Variants in BABAM2 observed in about 807,000 individuals in gnomAD.
BABAM2 encodes BRISC and BRCA1 A complex member 2.
A neutral mutation model predicts 54.7 loss-of-function variants in BABAM2; 31 were observed. That is an observed-to-expected ratio of 0.57 (90% CI 0.43 to 0.77). The LOEUF (loss-of-function observed/expected upper bound fraction) is 0.77. BABAM2 is among the 30% of genes least tolerant of loss of function. BABAM2 has a pLI of 0.00. For synonymous variants in BABAM2, 167 were observed against 162.9 expected (o/e 1.03, Z -0.19); for missense variants, 364 against 455.8 (o/e 0.80, Z 1.83).
intron 6 of BABAM2, among the ~76,000 whole-genome samples, chr2:28,117,565 G>A (rs1322906210): frequency 6.6e-6 from 1 of 152,108 alleles, no homozygotes; most frequent in Non-Finnish European, 1.5e-5. Flanking sequence ...CTCCTCTCTT[G>A]CCTGCACTTC....
intron 7 of BABAM2, among the ~76,000 whole-genome samples, chr2:28,150,729 C>T (rs901608705): frequency 6.6e-6 from 1 of 152,126 alleles, no homozygotes; most frequent in Non-Finnish European, 1.5e-5. Flanking sequence ...TGTGTTCTGG[C>T]GCTGGTTTCT....
intron 7 of BABAM2, among the ~76,000 whole-genome samples, chr2:28,151,732 A>G (rs1050012299): frequency 6.6e-6 from 1 of 152,250 alleles, no homozygotes; most frequent in Admixed American, 6.5e-5. Context: ...ATGCTTTGAT[A>G]ACATTTGGTC....
Position 28,298,336 on chromosome 2 carries a change from A to T in BABAM2, c.935-2A>T. Reference sequence around the variant, plus strand: ...TTCTTTTTCTTTCTTCTGTCTTTGCAGTTGACCTGCCTCTGTTTTTCCCTC... The same window carrying T: ...TTCTTTTTCTTTCTTCTGTCTTTGCTGTTGACCTGCCTCTGTTTTTCCCTC... On this transcript the variant is annotated splice_acceptor_variant, in intron 10 of 11. Transcript: ENST00000379624. LOFTEE classifies it high-confidence loss of function. 1 of 1,613,366 alleles carries T rather than the reference A, an allele frequency of 6.2e-7. No homozygotes were observed. Among genetic ancestry groups the T allele is most frequent in the Non-Finnish European group, 8.5e-7 (1 of 1,179,790 alleles).
At chr2:28,327,954 A>C (rs898659616) in intron 11 of BABAM2, among the ~76,000 whole-genome samples, 1 of 152,198 alleles carries the variant, frequency 6.6e-6, no homozygotes, top group Non-Finnish European at 1.5e-5. Flanking sequence ...CCTAAAGCCC[A>C]CACCCGAGAG....
chr2:28,335,625 C>T (rs1691380331), intron 11 of BABAM2, among the ~76,000 whole-genome samples: 2 of 152,352 alleles, frequency 1.3e-5, no homozygotes, highest in South Asian at 4.1e-4. Flanking sequence ...TGTGCTCCCG[C>T]TTTCCAGGGG....
At chr2:28,301,846 A>G (rs1327542529) in intron 11 of BABAM2, among the ~76,000 whole-genome samples, 2 of 152,244 alleles carry the variant, frequency 1.3e-5, no homozygotes, top group Non-Finnish European at 2.9e-5. Flanking sequence ...TTTGAAGGAA[A>G]TGGCTTTGCA....
At chr2:28,056,056 G>A (rs1168339318) in intron 6 of BABAM2, among the ~76,000 whole-genome samples, 4 of 152,152 alleles carry the variant, frequency 2.6e-5, no homozygotes, top group Admixed American at 2.0e-4. Context: ...AAATATATGT[G>A]GAGAACAATA....
chr2:28,300,553 T>G (rs1051148728), intron 11 of BABAM2, among the ~76,000 whole-genome samples: 1 of 152,240 alleles, frequency 6.6e-6, no homozygotes, highest in African/African-American at 2.4e-5. Flanking sequence ...ATACATAGGA[T>G]CTGCCCTAAG....
intron 6 of BABAM2, among the ~76,000 whole-genome samples, chr2:28,092,327 A>G (rs1003442671): frequency 2.6e-4 from 40 of 152,240 alleles, no homozygotes; most frequent in African/African-American, 9.4e-4. Flanking sequence ...CTAATGAAAT[A>G]TACAAAAAGA....
At chr2:28,178,793 CAA>C in intron 7 of BABAM2, among the ~76,000 whole-genome samples, 1 of 149,284 alleles carries the variant, frequency 6.7e-6, no homozygotes, top group South Asian at 2.1e-4. Context: ...AAATCAGAAA[CAA>C]AAAAAGAGGA....
chr2:27,901,423 T>C (rs796697492), intron 2 of BABAM2, among the ~76,000 whole-genome samples: 2 of 152,348 alleles, frequency 1.3e-5, no homozygotes, highest in African/African-American at 4.8e-5. Context: ...CACTGGCACA[T>C]GGCTGTGTTT....
intron 10 of BABAM2, among the ~76,000 whole-genome samples, chr2:28,248,485 A>C (rs1477127123): frequency 6.6e-6 from 1 of 151,972 alleles, no homozygotes; most frequent in Non-Finnish European, 1.5e-5. Flanking sequence ...CTGGGATTAC[A>C]GGCGTGAGCC....
At chr2:28,062,257 CAAA>C (rs796458704) in intron 6 of BABAM2, among the ~76,000 whole-genome samples, 8 of 68,426 alleles carry the variant, frequency 1.2e-4, no homozygotes, top group African/African-American at 1.7e-4. Flanking sequence ...GAGTCCGTCT[CAAA>C]AAAAAAAAAA....
intron 6 of BABAM2, among the ~76,000 whole-genome samples, chr2:28,115,422 C>G (rs943435707): frequency 2.0e-5 from 3 of 151,914 alleles, no homozygotes; most frequent in African/African-American, 7.2e-5. Context: ...GTCAGGAGAT[C>G]GAGACCATCC....
intron 4 of BABAM2, among the ~76,000 whole-genome samples, chr2:28,018,523 T>C (rs1573401728): frequency 6.6e-6 from 1 of 152,216 alleles, no homozygotes; most frequent in East Asian, 1.9e-4. Context: ...GGATACCTAG[T>C]AGTGGGATTG....
chr2:28,022,460 T>C (rs1675343029), intron 4 of BABAM2, among the ~76,000 whole-genome samples: 2 of 152,238 alleles, frequency 1.3e-5, no homozygotes, highest in African/African-American at 4.8e-5. Context: ...AACTGTTTCA[T>C]AGGTGTTTTT....
chr2:28,219,782 A>G (rs1238827828), intron 7 of BABAM2, among the ~76,000 whole-genome samples: 1 of 152,232 alleles, frequency 6.6e-6, no homozygotes, highest in Non-Finnish European at 1.5e-5. Context: ...TGTTGTCGTA[A>G]CAGAGCCTCA....
At chr2:27,979,646 T>A (rs1671862813) in intron 3 of BABAM2, among the ~76,000 whole-genome samples, 2 of 152,186 alleles carry the variant, frequency 1.3e-5, no homozygotes, top group Non-Finnish European at 2.9e-5. Context: ...GACTTTTTAG[T>A]AATAGCCATT....
chr2:28,151,231 T>A (rs13392693), intron 7 of BABAM2, among the ~76,000 whole-genome samples: 18,612 of 152,216 alleles, frequency 0.12, 1,542 homozygotes, highest in African/African-American at 0.23. Context: ...TATGCCTACA[T>A]GCTCCAGCCA....
Sources: allele counts gnomAD v4.1 joint callset (sites outside exome capture counted in the v4.1 genomes callset), GRCh38; gene constraint gnomAD v4.1.1; transcripts MANE v1.5; gene names NCBI Gene and HGNC (gene_info 2026-07-23, HGNC 2026-07-21).